Variants in SORCS2 observed in about 807,000 individuals in gnomAD.
The protein encoded by SORCS2 is sortilin related VPS10 domain containing receptor 2.
SORCS2 carries 100 observed loss-of-function variants against 141.6 expected under a neutral mutation model. The observed-to-expected ratio is 0.71, with a 90% CI of 0.60 to 0.83. The LOEUF (loss-of-function observed/expected upper bound fraction) is 0.83, where lower values mean the gene tolerates loss of function less well. Ranked by LOEUF, SORCS2 falls within the 40% of genes least tolerant of loss-of-function variation. SORCS2 has a pLI of 0.00. For missense variants in SORCS2, 1,646 were observed against 1,560.2 expected (o/e 1.05, Z -0.93); for synonymous variants, 789 against 676.9 (o/e 1.17, Z -2.57).
At chr4:7,422,135 A>G (rs1726118743) in intron 2 of SORCS2, among the ~76,000 whole-genome samples, 1 of 152,088 alleles carries the variant, frequency 6.6e-6, no homozygotes, top group Non-Finnish European at 1.5e-5. Flanking sequence ...TCACCCACCT[A>G]ACGTGGTCAG....
intron 10 of SORCS2, among the ~76,000 whole-genome samples, chr4:7,687,210 C>G (rs1432555847): frequency 2.6e-5 from 4 of 152,172 alleles, no homozygotes; most frequent in African/African-American, 9.7e-5. Flanking sequence ...CACACTGCTG[C>G]TGGGGACTCC....
chr4:7,638,919 A>G (rs1484604250), intron 4 of SORCS2, among the ~76,000 whole-genome samples: 1 of 152,156 alleles, frequency 6.6e-6, no homozygotes, highest in African/African-American at 2.4e-5. Flanking sequence ...CCTCGCCAAG[A>G]GCGGTGGCTT....
intron 1 of SORCS2, among the ~76,000 whole-genome samples, chr4:7,261,369 T>C (rs1255950155): frequency 6.6e-6 from 1 of 152,216 alleles, no homozygotes; most frequent in Non-Finnish European, 1.5e-5. Flanking sequence ...AGCTCTGTGG[T>C]CAGGCAGACG....
intron 25 of SORCS2, among the ~76,000 whole-genome samples, chr4:7,736,020 G>T (rs1712139561): frequency 6.6e-6 from 1 of 152,246 alleles, no homozygotes; most frequent in Non-Finnish European, 1.5e-5. Context: ...GAGCTTGAAT[G>T]TATTGGGCAT....
chr4:7,244,445 C>G (rs1257503479), intron 1 of SORCS2, among the ~76,000 whole-genome samples: 1 of 152,256 alleles, frequency 6.6e-6, no homozygotes, highest in Non-Finnish European at 1.5e-5. Flanking sequence ...ATCTTCGCCA[C>G]CACACCCGCT....
rs150349344 is a variant in SORCS2, at chr4:7,702,494, C to T, written c.1669-786C>T. On this transcript the variant is annotated intron_variant, in intron 12 of 26. Transcript: ENST00000507866. ...CAGAGCCTCAGCCTCCTCATGTGTA[C>T]AATGGGACCCCATCCTGGGGCTGTT... 5.8e-3 allele frequency among the ~76,000 whole-genome samples: 877 copies of T among 152,314 alleles called. 8 individuals are homozygous for T. The highest frequency in any genetic ancestry group is 0.02 in the African/African-American group (827 of 41,564).
intron 1 of SORCS2, among the ~76,000 whole-genome samples, chr4:7,281,510 G>A (rs995735035): frequency 5.9e-5 from 9 of 152,240 alleles, no homozygotes; most frequent in South Asian, 2.1e-4. Context: ...TGGGCTGTGC[G>A]TGCGTCCAGT....
At chr4:7,274,882 T>A (rs1577345795) in intron 1 of SORCS2, among the ~76,000 whole-genome samples, 2 of 152,242 alleles carry the variant, frequency 1.3e-5, no homozygotes, top group East Asian at 3.9e-4. Flanking sequence ...TGCTCCCCCA[T>A]CACGTGGTGC....
intron 3 of SORCS2, among the ~76,000 whole-genome samples, chr4:7,572,274 C>T (rs1032386509): frequency 6.6e-6 from 1 of 152,148 alleles, no homozygotes; most frequent in Non-Finnish European, 1.5e-5. Flanking sequence ...ATATGCACCC[C>T]TACTGTTTCT....
At chr4:7,387,609 G>GCACACA (rs1491118941) in intron 1 of SORCS2, among the ~76,000 whole-genome samples, 1 of 92,180 alleles carries the variant, frequency 1.1e-5, no homozygotes. Flanking sequence ...AAACGCACAT[G>GCACACA]CACACACATA....
At chr4:7,322,571 T>A (rs2108947191) in intron 1 of SORCS2, among the ~76,000 whole-genome samples, 2 of 152,240 alleles carry the variant, frequency 1.3e-5, no homozygotes, top group East Asian at 3.9e-4. Flanking sequence ...GTTGATTGAC[T>A]CACACAGAAC....
chr4:7,441,734 C>T (rs1269154018), intron 2 of SORCS2, among the ~76,000 whole-genome samples: 2 of 109,954 alleles, frequency 1.8e-5, no homozygotes, highest in Non-Finnish European at 3.7e-5. Context: ...TTACCCTCCA[C>T]CCCCTCCCCC....
Position 7,257,652 on chromosome 4 carries a change from C to T in SORCS2, c.480+64526C>T, listed in dbSNP as rs536635175. On this transcript the variant is annotated intron_variant, in intron 1 of 26. Transcript: ENST00000507866. ...CTCCCTGAGCTCCAGGCTTGTCACC[C>T]GTAAAAGGTGGTGACAGGAAGAGAA... Among the ~76,000 whole-genome samples the T allele has an allele frequency of 1.3e-4, 20 of 152,272 alleles. No homozygotes were observed. In the South Asian group the frequency reaches 2.1e-3, roughly 16 times the overall value.
At chr4:7,723,512 A>G (rs1050813243) in intron 18 of SORCS2, among the ~76,000 whole-genome samples, 185 bp from the exon 19 acceptor site, 1 of 151,476 alleles carries the variant, frequency 6.6e-6, no homozygotes, top group Non-Finnish European at 1.5e-5. Context: ...TCAGCCCCAT[A>G]CTCCAGGAAG....
In SORCS2 at chr4:7,381,804, G is replaced by C. The variant is rs955396115; in HGVS notation, c.481-14484G>C. 7 of 605,994 alleles carry C rather than the reference G, an allele frequency of 1.2e-5. No homozygotes were observed. In the Admixed American group the frequency reaches 3.8e-4, roughly 33 times the overall value. The allele number at this position is 605,994 out of a possible 1,614,324, so 37.5% of individuals were successfully genotyped here. ...AAACCCTGGACTGCAGCCATGTGCA[G>C]CCTGAAGGCCACCATGTGCCAGGAG... is the stretch of plus-strand genomic sequence containing the variant. On this transcript the variant is annotated intron_variant, in intron 1 of 26. Coordinates refer to ENST00000507866, the MANE Select transcript of SORCS2 (RefSeq NM_020777.3).
chr4:7,350,745 G>A (rs952247930), intron 1 of SORCS2, among the ~76,000 whole-genome samples: 8 of 152,250 alleles, frequency 5.3e-5, no homozygotes, highest in South Asian at 4.1e-4. Context: ...TTAACATGCT[G>A]TTGGTCACAC....
chr4:7,444,022 A>G (rs547740358), intron 2 of SORCS2, among the ~76,000 whole-genome samples: 3 of 152,366 alleles, frequency 2.0e-5, no homozygotes, highest in South Asian at 4.1e-4. Context: ...GGGCTGTCTT[A>G]TCCCCACAGG....
chr4:7,265,089 A>G (rs1219075524), intron 1 of SORCS2, among the ~76,000 whole-genome samples: 1 of 152,174 alleles, frequency 6.6e-6, no homozygotes, highest in Non-Finnish European at 1.5e-5. Flanking sequence ...CTTCTGCTCC[A>G]TTCGGGGGTG....
intron 1 of SORCS2, among the ~76,000 whole-genome samples, chr4:7,248,954 G>A (rs117547693): frequency 6.6e-6 from 1 of 152,344 alleles, no homozygotes; most frequent in East Asian, 1.9e-4. Flanking sequence ...GTTTTAGCCA[G>A]AAGTATCATG....
Sources: gnomAD v4.1 joint callset for allele counts (sites outside exome capture counted in the v4.1 genomes callset) on GRCh38, gnomAD v4.1.1 for gene constraint, MANE v1.5 for transcripts, NCBI Gene and HGNC (gene_info 2026-07-23, HGNC 2026-07-21) for gene names.